Variants in PCSK5 observed in about 807,000 individuals in gnomAD.
PCSK5 encodes prohormone convertase 5.
In PCSK5, 129 loss-of-function variants were observed where a neutral mutation model predicts 233.2. The observed-to-expected ratio is 0.55, with a 90% confidence interval of 0.48 to 0.64. The LOEUF (loss-of-function observed/expected upper bound fraction) is 0.64. Ranked by LOEUF, PCSK5 falls within the 30% of genes least tolerant of loss-of-function variation. PCSK5 has a pLI of 0.00. For missense variants in PCSK5, 2,076 were observed against 2,430.1 expected, an observed-to-expected ratio of 0.85 and a Z score of 3.06; for synonymous variants, 825 against 879.2, an observed-to-expected ratio of 0.94 and a Z score of 1.09.
chr9:76,263,214 G>T (rs958611733), intron 24 of PCSK5, among the ~76,000 whole-genome samples: 2 of 152,184 alleles, frequency 1.3e-5, no homozygotes, highest in Admixed American at 6.5e-5. Context: ...GTGGAAGTCA[G>T]TGTGGCGATT....
chr9:76,064,578 G>C, intron 5 of PCSK5, among the ~76,000 whole-genome samples: 1 of 149,094 alleles, frequency 6.7e-6, no homozygotes, highest in East Asian at 2.0e-4. Context: ...CCCAGATGGG[G>C]TGGCTGCCGG....
At chr9:76,122,027 T>G (rs1832661956) in intron 9 of PCSK5, among the ~76,000 whole-genome samples, 1 of 49,878 alleles carries the variant, frequency 2.0e-5, no homozygotes, top group Non-Finnish European at 5.2e-5. Flanking sequence ...GTTTCACCGT[T>G]TTAGCCGGGA....
intron 6 of PCSK5, among the ~76,000 whole-genome samples, 192 bp downstream of exon 6, chr9:76,068,235 A>G (rs1357128848): frequency 1.3e-5 from 2 of 152,158 alleles, no homozygotes; most frequent in Non-Finnish European, 2.9e-5. Flanking sequence ...AGACTTCTGA[A>G]GCAGTCACCC....
At chr9:76,112,504 A>G (rs1480282618) in intron 9 of PCSK5, among the ~76,000 whole-genome samples, 1 of 152,160 alleles carries the variant, frequency 6.6e-6, no homozygotes, top group African/African-American at 2.4e-5. Context: ...ACACAGACAT[A>G]TACACATTCA....
At chr9:76,068,076 T>G (rs765714508) in intron 6 of PCSK5, 33 bp downstream of exon 6, 1 of 1,478,800 alleles carries the variant, frequency 6.8e-7, no homozygotes, top group South Asian at 1.1e-5. Flanking sequence ...GATGTAGAAA[T>G]GCGCCAGTTA....
intron 12 of PCSK5, among the ~76,000 whole-genome samples, chr9:76,169,305 TAACTTTATAGG>T (rs1224206111): frequency 6.6e-6 from 1 of 152,152 alleles, no homozygotes; most frequent in African/African-American, 2.4e-5. Context: ...AGTGTGTGTG[TAACTTTATAGG>T]AACTGTCAAA....
At chr9:75,890,313 G>A (rs1825520055), upstream of PCSK5, among the ~76,000 whole-genome samples, 1 of 152,250 alleles carries the variant, frequency 6.6e-6, no homozygotes, top group Non-Finnish European at 1.5e-5. Context: ...GTTATTTAAG[G>A]ACGTTTAGAA....
At chr9:76,353,894 G>A in intron 36 of PCSK5, 139 bp from the exon 37 acceptor site, 1 of 641,300 alleles carries the variant, frequency 1.6e-6, no homozygotes, top group Non-Finnish European at 2.8e-6. Context: ...CAGTTAAAAT[G>A]GGCTTAGAAC....
At chr9:76,092,092 A>G (rs1258110414) in intron 7 of PCSK5, among the ~76,000 whole-genome samples, 3 of 152,056 alleles carry the variant, frequency 2.0e-5, no homozygotes, top group African/African-American at 4.8e-5. Context: ...CTTCTGAGGG[A>G]GTCCCCCCTC....
chr9:76,002,443 T>C (rs1236651488), intron 3 of PCSK5, among the ~76,000 whole-genome samples: 1 of 152,178 alleles, frequency 6.6e-6, no homozygotes, highest in Admixed American at 6.5e-5. Flanking sequence ...ATTGCCTTCC[T>C]TGGAAGACCA....
intron 9 of PCSK5, among the ~76,000 whole-genome samples, chr9:76,112,531 C>G (rs892440273): frequency 6.6e-6 from 1 of 152,120 alleles, no homozygotes; most frequent in Admixed American, 6.5e-5. Flanking sequence ...TCTAGGTAGG[C>G]TCACCTACTT....
intron 21 of PCSK5, among the ~76,000 whole-genome samples, chr9:76,228,713 G>A (rs1000000011): frequency 1.3e-5 from 2 of 152,198 alleles, no homozygotes; most frequent in Non-Finnish European, 2.9e-5. Flanking sequence ...TCACTGCCCT[G>A]CCCAACGCAA....
intron 24 of PCSK5, among the ~76,000 whole-genome samples, chr9:76,271,077 G>A (rs180976587): frequency 1.0e-3 from 158 of 152,062 alleles, no homozygotes; most frequent in African/African-American, 3.4e-3. Flanking sequence ...ATACTGCACC[G>A]TTCAGCTGCT....
At chr9:75,965,091 C>A (rs2131351576) in intron 2 of PCSK5, among the ~76,000 whole-genome samples, 1 of 152,286 alleles carries the variant, frequency 6.6e-6, no homozygotes, top group Middle Eastern at 3.4e-3. Flanking sequence ...ACTGGAAGAT[C>A]TCTTAGATCC....
rs193211573 is a variant in PCSK5, at chr9:76,296,904, G to A, written c.3523+39G>A. ...AAAAAAGAGGTCACAGGGGTCTAGC[G>A]ACCTACTCTGCTTCCCTCCTTCTAT... On this transcript the variant is annotated intron_variant, in intron 27 of 37. Coordinates refer to ENST00000674117, the MANE Select transcript of PCSK5 (RefSeq NM_001372043.1). 6.6e-4 allele frequency: 858 copies of A among 1,309,300 alleles called. 9 individuals are homozygous for A. In the African/African-American group the frequency reaches 0.011, roughly 16 times the overall value. 81.1% of individuals were successfully genotyped at this position (1,309,300 alleles called of 1,614,324 possible).
At chr9:76,245,655 A>G (rs898661035) in intron 24 of PCSK5, among the ~76,000 whole-genome samples, 3 of 152,186 alleles carry the variant, frequency 2.0e-5, no homozygotes. Flanking sequence ...GAAATAGGCA[A>G]AGAGAAGTTT....
At chr9:76,128,682 G>A (rs1053462112) in intron 9 of PCSK5, among the ~76,000 whole-genome samples, 2 of 152,094 alleles carry the variant, frequency 1.3e-5, no homozygotes, top group African/African-American at 4.8e-5. Context: ...ATTTACCTTT[G>A]GTTTAGAGTA....
At position 75,978,869 on chromosome 9, in the gene PCSK5, C is replaced by CTTTTT. The variant is rs5898441; in HGVS notation, c.298-7257_298-7253dup. ...TTTTAGGCTTTGTTTGAATGTTTCC[C>CTTTTT]TTTTTTTTTTCTTTTTTTCTGAGAT... On this transcript the variant is annotated intron_variant, in intron 2 of 37. Coordinates refer to ENST00000674117, the MANE Select transcript of PCSK5 (RefSeq NM_001372043.1). Among the ~76,000 whole-genome samples, 13 of 128,062 alleles carry CTTTTT rather than the reference C, an allele frequency of 1.0e-4. 3 individuals are homozygous for CTTTTT. The highest frequency in any genetic ancestry group is 1.3e-4 in the Non-Finnish European group (8 of 60,990). The allele number at this position is 128,062 out of a possible 152,430, so 84.0% of individuals were successfully genotyped here.
intron 3 of PCSK5, among the ~76,000 whole-genome samples, chr9:76,006,521 G>A (rs546653872): frequency 2.6e-5 from 4 of 152,154 alleles, no homozygotes; most frequent in South Asian, 4.2e-4. Flanking sequence ...GATCCGTTGA[G>A]TCTACCTATG....
Sources: allele counts gnomAD v4.1 joint callset (sites outside exome capture counted in the v4.1 genomes callset), GRCh38; gene constraint gnomAD v4.1.1; transcripts MANE v1.5; gene names NCBI Gene and HGNC (gene_info 2026-07-23, HGNC 2026-07-21).